HTT: variants seen among roughly 807,000 people sequenced by gnomAD.
HTT encodes the protein huntington disease protein.
In HTT, 104 loss-of-function variants were observed where a neutral mutation model predicts 362.3. The ratio of observed to expected loss-of-function variants is 0.29; its 90% confidence interval spans 0.24 to 0.34. The LOEUF (loss-of-function observed/expected upper bound fraction) is 0.34. HTT is among the 10% of genes least tolerant of loss of function. HTT has a pLI of 1.00. For synonymous variants in HTT, 1,577 were observed against 1,548.7 expected, an observed-to-expected ratio of 1.02 and a Z score of -0.43; for missense variants, 3,301 against 3,928.6, an observed-to-expected ratio of 0.84 and a Z score of 4.27.
At chr4:3,156,340 G>A (rs1351007085) in intron 27 of HTT, among the ~76,000 whole-genome samples, 1 of 152,070 alleles carries the variant, frequency 6.6e-6, no homozygotes, top group Non-Finnish European at 1.5e-5. Flanking sequence ...GGCTGGTCTC[G>A]AACTCCTGAC....
chr4:3,225,484 G>A (rs1336988370), intron 56 of HTT, among the ~76,000 whole-genome samples, 177 bp from the exon 57 acceptor site: 1 of 152,260 alleles, frequency 6.6e-6, no homozygotes, highest in Non-Finnish European at 1.5e-5. Flanking sequence ...TGGTTATAAA[G>A]TGACAAATCC....
At chr4:3,194,792 A>G (rs1166121124) in intron 40 of HTT, among the ~76,000 whole-genome samples, 2 of 152,218 alleles carry the variant, frequency 1.3e-5, no homozygotes, top group Non-Finnish European at 2.9e-5. Context: ...CAAAGCAGGA[A>G]TACTGGAAGA....
intron 59 of HTT, 92 bp downstream of exon 59, chr4:3,229,101 T>G: frequency 7.8e-7 from 1 of 1,288,730 alleles, no homozygotes; most frequent in Admixed American, 2.0e-5. Context: ...CCCACACACA[T>G]GCCACTTGCA....
In HTT at chr4:3,220,251, G is replaced by A; in HGVS notation, c.7312G>A (p.Glu2438Lys). ...FGTAFPEIPV[E>K]FLQEKEVFKE... ...CACAGCATTCCCTGAGATCCCCGTG[G>A]AGTTCCTCCAGGAAAAGGAAGTCTT... The change falls in exon 53 of 67, where the codon GAG becomes AAG. Residue 2438 changes from glutamate to lysine, a missense_variant. Around this residue, in one of 4 missense-constraint regions of HTT, gnomAD observed 753 missense variants for 1,021.3 expected, o/e 0.74. Transcript: ENST00000355072. The A allele has an allele frequency of 6.2e-7, 1 of 1,614,148 alleles. No individual in the cohort carries two copies. The highest frequency in any genetic ancestry group is 8.5e-7 in the Non-Finnish European group (1 of 1,180,018).
At chr4:3,167,996 C>G (rs1313012945) in intron 29 of HTT, among the ~76,000 whole-genome samples, 1 of 152,088 alleles carries the variant, frequency 6.6e-6, no homozygotes, top group Non-Finnish European at 1.5e-5. Flanking sequence ...CTTTGGAAGC[C>G]TCACCTGCTT....
chr4:3,091,264 A>G (rs1378446077), intron 2 of HTT, among the ~76,000 whole-genome samples: 1 of 152,244 alleles, frequency 6.6e-6, no homozygotes, highest in East Asian at 1.9e-4. Flanking sequence ...TGGGTGTAAC[A>G]TATATGTATT....
In HTT at chr4:3,154,432, G is replaced by A. The variant is rs201492983; in HGVS notation, c.3625+13G>A. 31 of 1,612,684 alleles carry A rather than the reference G, an allele frequency of 1.9e-5. No individual in the cohort carries two copies. Among genetic ancestry groups the A allele is most frequent in the African/African-American group, 1.1e-4 (8 of 74,872 alleles). On this transcript the variant is annotated intron_variant, in intron 27 of 66. Transcript: ENST00000355072. ...GAGGCCAGTGCAGGTAGGAAACAGC[G>A]TGGGGAAGGGAGGGACATGAGTGCA...
At chr4:3,178,272 G>A (rs910730546) in intron 34 of HTT, 26 bp from the exon 35 acceptor site, 2 of 1,543,158 alleles carry the variant, frequency 1.3e-6, no homozygotes, top group Middle Eastern at 1.8e-4. Context: ...TAAAAGAAAG[G>A]TCTAAATGGA....
Position 3,242,548 on chromosome 4 carries a change from C to T in HTT, c.*2489C>T, listed in dbSNP as rs999518052. On this transcript the variant is annotated 3_prime_UTR_variant, in exon 67 of 67. Transcript: ENST00000355072. ...GTTAGCCGCGTGACGGACATCCAGG[C>T]GTGGGACGTGGTCAGGGCAGGGCTC... 7.2e-5 allele frequency: 11 copies of T among 152,170 alleles called. No homozygotes were observed. Among genetic ancestry groups the T allele is most frequent in the Admixed American group, 2.6e-4 (4 of 15,274 alleles). The allele number at this position is 152,170 out of a possible 1,614,324, so 9.4% of individuals were successfully genotyped here.
intron 6 of HTT, among the ~76,000 whole-genome samples, chr4:3,112,820 C>A (rs939602734): frequency 1.1e-4 from 17 of 152,094 alleles, no homozygotes; most frequent in African/African-American, 4.1e-4. Flanking sequence ...TAGAAACTGC[C>A]AAATAGCTTT....
chr4:3,168,094 C>G (rs1717796892), intron 29 of HTT, among the ~76,000 whole-genome samples: 1 of 152,228 alleles, frequency 6.6e-6, no homozygotes, highest in African/African-American at 2.4e-5. Context: ...TGGCCCCTGA[C>G]TGTTTTGAGG....
intron 1 of HTT, among the ~76,000 whole-genome samples, chr4:3,075,386 C>G (rs1712466320): frequency 6.6e-6 from 1 of 152,374 alleles, no homozygotes; most frequent in East Asian, 1.9e-4. Context: ...CCCTCTCGCC[C>G]TTCGCAGGAT....
At chr4:3,231,611 T>A (rs1721257323) in intron 60 of HTT, among the ~76,000 whole-genome samples, 1 of 152,154 alleles carries the variant, frequency 6.6e-6, no homozygotes, top group African/African-American at 2.4e-5. Flanking sequence ...CTTGTGGGTG[T>A]CCTTCAGCCT....
intron 41 of HTT, among the ~76,000 whole-genome samples, chr4:3,202,383 T>C (rs994038459): frequency 6.6e-6 from 1 of 152,224 alleles, no homozygotes; most frequent in Non-Finnish European, 1.5e-5. Context: ...CTCTTCTCTT[T>C]CAGAGGCTCA....
rs558887183 is a variant in HTT, at chr4:3,199,910, C to G, written c.5547C>G (p.Arg1849=). Residue 1849 remains arginine (R), a synonymous_variant, in exon 41 of 67, where the codon CGC becomes CGG. Transcript: ENST00000355072. The part of the protein sequence containing the change: ...ILLLVNHTDY[R]WWAEVQQTPK... ...TGCTTGTCAACCACACCGACTACCGCTGGTGGGCAGAAGTGCAGCAGACCC... is the reference window on the plus strand; with the variant it reads ...TGCTTGTCAACCACACCGACTACCGGTGGTGGGCAGAAGTGCAGCAGACCC... 1 of 1,614,116 alleles carries G rather than the reference C, an allele frequency of 6.2e-7. No individual in the cohort carries two copies. The highest frequency in any genetic ancestry group is 1.7e-5 in the Admixed American group (1 of 60,020).
chr4:3,163,131 A>G (rs377315718), intron 29 of HTT, among the ~76,000 whole-genome samples: 1 of 152,250 alleles, frequency 6.6e-6, no homozygotes, highest in East Asian at 1.9e-4. Context: ...AGTTTTTAGC[A>G]TGAAAGGCTG....
rs1201754021 is a variant in HTT at position 3,233,349 on chromosome 4, G to A, written c.8452G>A (p.Ala2818Thr). The A allele has an allele frequency of 4.4e-6, 7 of 1,594,602 alleles. No homozygotes were observed. The highest frequency in any genetic ancestry group is 3.3e-5 in the South Asian group (3 of 90,512). Residue 2818 changes from alanine to threonine, a missense_variant, in exon 61 of 67, where the codon GCC becomes ACC. Ala to Thr is a moderately conservative substitution (Grantham distance 58). Transcript: ENST00000355072. The part of the protein sequence containing the change: ...DYLLSNLKGI[A>T]HCVNIHSQQH... ...TCTCCTCTCCAACCTGAAAGGGATC[G>A]CCCAGTGAGTGGGAGCCTGGCTGGG...
rs1578545244 is a variant in HTT at position 3,155,658 on chromosome 4, G to C, written c.3625+1239G>C. On this transcript the variant is annotated intron_variant, in intron 27 of 66. Coordinates refer to ENST00000355072, the MANE Select transcript of HTT (RefSeq NM_001388492.1). ...GCACTTTGGGAGGCTGAGGTGGGCG[G>C]ATCACGAGGTCGGGAGTTCAAGACC... 2.0e-5 allele frequency among the ~76,000 whole-genome samples: 3 copies of C among 146,924 alleles called. No individual in the cohort carries two copies. The South Asian group carries it at 6.6e-4, about 32-fold the overall frequency.
At chr4:3,238,769 T>C in intron 65 of HTT, 49 bp from the exon 66 acceptor site, 1 of 1,091,938 alleles carries the variant, frequency 9.2e-7, no homozygotes, top group Non-Finnish European at 1.3e-6. Context: ...CAGCAGGTGC[T>C]TCCCGTCCCC....
Sources: allele counts gnomAD v4.1 joint callset (sites outside exome capture counted in the v4.1 genomes callset), GRCh38; gene constraint gnomAD v4.1.1; regional missense constraint gnomAD v4.1.1; transcripts MANE v1.5; gene names NCBI Gene and HGNC (gene_info 2026-07-23, HGNC 2026-07-21).